The following PDS5A variants were observed in gnomAD, a reference collection of about 807,000 sequenced individuals.
The protein encoded by PDS5A is sister chromatid cohesion protein PDS5 homolog A.
PDS5A carries 42 observed loss-of-function variants against 167.1 expected under a neutral mutation model. The observed-to-expected ratio is 0.25, with a 90% confidence interval of 0.20 to 0.33. PDS5A has a LOEUF of 0.33. Among genes scored for constraint, PDS5A ranks in the 10% least tolerant of loss-of-function variants. The pLI is 1.00. For missense variants in PDS5A, 1,033 were observed against 1,605.9 expected, an observed-to-expected ratio of 0.64 and a Z score of 6.10; for synonymous variants, 553 against 554.6, an observed-to-expected ratio of 1.00 and a Z score of 0.04.
intron 10 of PDS5A, among the ~76,000 whole-genome samples, chr4:39,909,839 A>G (rs1723742602): frequency 6.6e-6 from 1 of 152,214 alleles, no homozygotes; most frequent in Non-Finnish European, 1.5e-5. Flanking sequence ...AAATGCCACT[A>G]TATTTAATTA....
chr4:39,878,055 TAA>T (rs1057065326), intron 18 of PDS5A, among the ~76,000 whole-genome samples: 2 of 152,202 alleles, frequency 1.3e-5, no homozygotes, highest in African/African-American at 4.8e-5. Flanking sequence ...GATACATGTC[TAA>T]AGAGTTAACC....
At chr4:39,939,957 A>C (rs1333685285) in intron 2 of PDS5A, among the ~76,000 whole-genome samples, 1 of 152,004 alleles carries the variant, frequency 6.6e-6, no homozygotes, top group East Asian at 1.9e-4. Flanking sequence ...AATAAATAAA[A>C]CTAGAAAAAT....
intron 2 of PDS5A, among the ~76,000 whole-genome samples, chr4:39,956,468 G>T (rs1417100573): frequency 6.9e-6 from 1 of 145,912 alleles, no homozygotes; most frequent in African/African-American, 2.5e-5. Flanking sequence ...ACTCTAGCCT[G>T]GGTGACAGAG....
intron 12 of PDS5A, 45 bp from the exon 13 acceptor site, chr4:39,902,505 T>G (rs1185414198): frequency 1.7e-5 from 16 of 943,036 alleles, no homozygotes; most frequent in African/African-American, 3.4e-5. Context: ...ACACAATTAT[T>G]CCATTTTTAA....
chr4:39,862,830 C>G (rs1719112619), intron 25 of PDS5A, 39 bp downstream of exon 25: 1 of 1,330,440 alleles, frequency 7.5e-7, no homozygotes, highest in Admixed American at 1.8e-5. Flanking sequence ...GATACATTGA[C>G]AAAATATATT....
chr4:39,854,719 G>A (rs1347866644), intron 26 of PDS5A, among the ~76,000 whole-genome samples: 1 of 151,898 alleles, frequency 6.6e-6, no homozygotes, highest in Admixed American at 6.6e-5. Flanking sequence ...AAACCTTAAG[G>A]GAATATATAT....
At chr4:39,973,203 A>G in intron 2 of PDS5A, 1 of 1,264,640 alleles carries the variant, frequency 7.9e-7, no homozygotes, top group Non-Finnish European at 1.2e-6. Context: ...CTTGTAATAT[A>G]GCTAGCTTCA....
chr4:39,826,184 G>GTT (rs34109809), intron 32 of PDS5A, among the ~76,000 whole-genome samples: 3 of 142,860 alleles, frequency 2.1e-5, no homozygotes, highest in African/African-American at 5.2e-5. Flanking sequence ...AAACTGGCGT[G>GTT]TTTTTTTTTT....
At chr4:39,878,727 A>C (rs1330186868) in intron 18 of PDS5A, among the ~76,000 whole-genome samples, 1 of 152,152 alleles carries the variant, frequency 6.6e-6, no homozygotes, top group Non-Finnish European at 1.5e-5. Flanking sequence ...GCATCATATC[A>C]ATTCTATTAA....
intron 2 of PDS5A, among the ~76,000 whole-genome samples, chr4:39,956,646 T>C (rs62309193): frequency 0.22 from 33,177 of 151,840 alleles, 4,587 homozygotes; most frequent in Middle Eastern, 0.33. Flanking sequence ...TTTATAGGTA[T>C]ATGCTTCAAG....
intron 2 of PDS5A, among the ~76,000 whole-genome samples, chr4:39,941,063 C>G (rs1363999069): frequency 6.6e-6 from 1 of 152,208 alleles, no homozygotes; most frequent in Non-Finnish European, 1.5e-5. Flanking sequence ...CTAATACTTG[C>G]AAGGACACCA....
At chr4:39,927,350 G>A (rs963316918) in intron 3 of PDS5A, among the ~76,000 whole-genome samples, 1 of 152,170 alleles carries the variant, frequency 6.6e-6, no homozygotes, top group Non-Finnish European at 1.5e-5. Flanking sequence ...CATGATGGTA[G>A]TCTTTCATTT....
intron 20 of PDS5A, 30 bp from the exon 21 acceptor site, chr4:39,873,174 ATTTG>A: frequency 7.3e-7 from 1 of 1,375,450 alleles, no homozygotes; most frequent in South Asian, 1.7e-5. Flanking sequence ...AAAATTACCA[ATTTG>A]TTTGATAAAT....
Position 39,877,137 on chromosome 4 carries a change from T to C in PDS5A, c.2009A>G (p.His670Arg). The change falls in exon 19 of 33, where the codon CAT (histidine) becomes CGT (arginine). Residue 670 changes from histidine to arginine, a missense_variant. By Grantham distance (29) the His-to-Arg change is conservative. Around this residue, in one of 4 missense-constraint regions of PDS5A, gnomAD observed 367 missense variants for 686.7 expected, o/e 0.53. Coordinates refer to ENST00000303538, the MANE Select transcript of PDS5A (RefSeq NM_001100399.2). Reference sequence around the variant, plus strand: ...CTCTGCAGAGTGGAACGAGGTAGGATGTGTAAAAGACAGAACCTGAAAAAA... The same window carrying C: ...CTCTGCAGAGTGGAACGAGGTAGGACGTGTAAAAGACAGAACCTGAAAAAA... ...LELLKVLSFT[H>R]PTSFHSAETY... 1 of 1,592,096 alleles carries C rather than the reference T, an allele frequency of 6.3e-7. No individual in the cohort carries two copies. The highest frequency in any genetic ancestry group is 8.6e-7 in the Non-Finnish European group (1 of 1,168,526).
At chr4:39,828,967 A>G (rs1715569219) in intron 32 of PDS5A, among the ~76,000 whole-genome samples, 1 of 152,198 alleles carries the variant, frequency 6.6e-6, no homozygotes, top group Non-Finnish European at 1.5e-5. Context: ...GAGAAGCACA[A>G]GGGTGCCAGG....
At chr4:39,926,939 A>G in intron 3 of PDS5A, 78 bp from the exon 4 acceptor site, 1 of 1,167,526 alleles carries the variant, frequency 8.6e-7, no homozygotes, top group Non-Finnish European at 1.1e-6. Flanking sequence ...TAACTTTATT[A>G]TTTGTGTACA....
intron 28 of PDS5A, chr4:39,846,257 T>C (rs994096789): frequency 6.5e-6 from 1 of 153,254 alleles, no homozygotes; most frequent in Admixed American, 6.5e-5. Context: ...TCCCAGCACT[T>C]TGGGAGGCCA....
chr4:39,870,141 G>C (rs1719898528), intron 21 of PDS5A, among the ~76,000 whole-genome samples: 1 of 151,690 alleles, frequency 6.6e-6, no homozygotes, highest in African/African-American at 2.4e-5. Flanking sequence ...AAAACTCCTG[G>C]ATATCCACAA....
intron 2 of PDS5A, among the ~76,000 whole-genome samples, chr4:39,943,640 A>C (rs902085713): frequency 7.8e-6 from 1 of 127,942 alleles, no homozygotes; most frequent in Admixed American, 8.2e-5. Context: ...AAAAAAAAAA[A>C]TACAAAAAAT....
Sources: allele counts gnomAD v4.1 joint callset (sites outside exome capture counted in the v4.1 genomes callset), GRCh38; gene constraint gnomAD v4.1.1; regional missense constraint gnomAD v4.1.1; transcripts MANE v1.5; gene names NCBI Gene and HGNC (gene_info 2026-07-23, HGNC 2026-07-21).